Variants in PGCKA1 observed in about 807,000 individuals in gnomAD.
The protein encoded by PGCKA1 is PDCD10 and GCKIII kinases-associated protein 1.
the PGCKA1 span, among the ~76,000 whole-genome samples, chr4:37,487,012 C>A: frequency 2.6e-4 from 40 of 152,200 alleles, 1 homozygote; most frequent in Admixed American, 2.4e-3. Context: ...AAGTAATCAC[C>A]ACTGTGATCC....
At chr4:37,513,066 G>A in the PGCKA1 span, among the ~76,000 whole-genome samples, 3 of 145,268 alleles carry the variant, frequency 2.1e-5, no homozygotes, top group African/African-American at 7.8e-5. Context: ...TCCAGCCTGG[G>A]CAAAAAGAGT....
the PGCKA1 span, among the ~76,000 whole-genome samples, chr4:37,569,803 G>A: frequency 6.6e-6 from 1 of 152,046 alleles, no homozygotes; most frequent in Non-Finnish European, 1.5e-5. Flanking sequence ...TCCCAAACCT[G>A]TTTTGACCAG....
chr4:37,525,864 A>G, the PGCKA1 span, among the ~76,000 whole-genome samples: 45 of 152,182 alleles, frequency 3.0e-4, 1 homozygote, highest in Admixed American at 2.3e-3. Context: ...AATTTCATCA[A>G]TGAAAACTCA....
At chr4:37,517,744 T>C in the PGCKA1 span, among the ~76,000 whole-genome samples, 1 of 152,248 alleles carries the variant, frequency 6.6e-6, no homozygotes, top group Admixed American at 6.5e-5. Context: ...TATTTATCCT[T>C]TGAGTTACAA....
the PGCKA1 span, among the ~76,000 whole-genome samples, chr4:37,563,281 G>T: frequency 6.6e-6 from 1 of 152,154 alleles, no homozygotes; most frequent in East Asian, 1.9e-4. Flanking sequence ...CCTGGAGGCC[G>T]GGAGGTCCAA....
At chr4:37,555,262 G>C in the PGCKA1 span, among the ~76,000 whole-genome samples, 1 of 152,118 alleles carries the variant, frequency 6.6e-6, no homozygotes, top group Non-Finnish European at 1.5e-5. Context: ...CACTCTACAT[G>C]GCACTTCTTA....
chr4:37,510,000 G>GGGGAGA, the PGCKA1 span, among the ~76,000 whole-genome samples: 1,226 of 150,464 alleles, frequency 8.1e-3, 23 homozygotes, highest in African/African-American at 0.028. Flanking sequence ...GGAGGGGGAG[G>GGGGAGA]GGGAGAGGGA....
At chr4:37,523,477 T>C in the PGCKA1 span, among the ~76,000 whole-genome samples, 2 of 152,086 alleles carry the variant, frequency 1.3e-5, no homozygotes, top group African/African-American at 2.4e-5. Context: ...TTGGTTCTTA[T>C]GGTGTTTTTT....
At chr4:37,548,783 G>A in the PGCKA1 span, among the ~76,000 whole-genome samples, 14 of 139,394 alleles carry the variant, frequency 1.0e-4, no homozygotes, top group Non-Finnish European at 1.7e-4. Flanking sequence ...CATTTTACTA[G>A]AGGATCATAA....
At chr4:37,566,938 T>A in the PGCKA1 span, among the ~76,000 whole-genome samples, 3 of 152,118 alleles carry the variant, frequency 2.0e-5, no homozygotes, top group Admixed American at 6.6e-5. Context: ...AACCGCTATA[T>A]CCTGCCATCT....
chr4:37,456,961 C>T, the PGCKA1 span, among the ~76,000 whole-genome samples: 14 of 152,278 alleles, frequency 9.2e-5, no homozygotes, highest in African/African-American at 2.4e-4. Flanking sequence ...GAATCTCTGA[C>T]GTCAATTTAC....
chr4:37,547,132 T>G, the PGCKA1 span, among the ~76,000 whole-genome samples: 1 of 152,186 alleles, frequency 6.6e-6, no homozygotes, highest in African/African-American at 2.4e-5. Flanking sequence ...CACTTTGGTT[T>G]TGGTTTTGAC....
chr4:37,460,836 T>A, the PGCKA1 span: 3 of 368,810 alleles, frequency 8.1e-6, no homozygotes, highest in South Asian at 6.4e-5. Context: ...GCTCTTTAGT[T>A]TAATTAGATC....
chr4:37,500,620 G>A, the PGCKA1 span, among the ~76,000 whole-genome samples: 1 of 152,202 alleles, frequency 6.6e-6, no homozygotes, highest in Non-Finnish European at 1.5e-5. Flanking sequence ...GAGTTCTGTA[G>A]ATATTTATCA....
chr4:37,513,101 AGAAAG>A, the PGCKA1 span, among the ~76,000 whole-genome samples: 24 of 144,914 alleles, frequency 1.7e-4, no homozygotes, highest in African/African-American at 4.6e-4. Flanking sequence ...AAAAAAAAAA[AGAAAG>A]AAAGAAAGAA....
chr4:37,509,588 G>C, the PGCKA1 span, among the ~76,000 whole-genome samples: 10 of 152,018 alleles, frequency 6.6e-5, no homozygotes, highest in East Asian at 1.9e-4. Flanking sequence ...TGCAATCTCG[G>C]CACTTTGGGA....
the PGCKA1 span, among the ~76,000 whole-genome samples, chr4:37,564,499 AC>A: frequency 5.7e-3 from 669 of 116,374 alleles, 4 homozygotes; most frequent in African/African-American, 0.017. Context: ...GGGGTGTCTG[AC>A]TTTTTTATTT....
At chr4:37,569,355 GC>G in the PGCKA1 span, among the ~76,000 whole-genome samples, 32 of 151,802 alleles carry the variant, frequency 2.1e-4, no homozygotes, top group African/African-American at 7.2e-4. Flanking sequence ...CTGCCACCAC[GC>G]CCAGCTAATT....
chr4:37,523,716 T>C, the PGCKA1 span, among the ~76,000 whole-genome samples: 1 of 152,204 alleles, frequency 6.6e-6, no homozygotes, highest in African/African-American at 2.4e-5. Flanking sequence ...CAGTCGGCTA[T>C]AGCAAGTTAC....
Sources: allele counts gnomAD v4.1 joint callset (sites outside exome capture counted in the v4.1 genomes callset), GRCh38; gene constraint gnomAD v4.1.1; transcripts MANE v1.5; gene names NCBI Gene and HGNC (gene_info 2026-07-23, HGNC 2026-07-21).